EXOC6B: variants seen among roughly 807,000 people sequenced by gnomAD.
EXOC6B encodes SEC15 homolog B.
Under a neutral mutation model 113.5 loss-of-function variants are expected in EXOC6B, and 54 were observed. That is an observed-to-expected ratio of 0.48 (90% CI 0.38 to 0.60). EXOC6B has a LOEUF of 0.60. Ranked by LOEUF, EXOC6B falls within the 20% of genes least tolerant of loss-of-function variation. EXOC6B has a pLI of 0.00. For missense variants in EXOC6B, 797 were observed against 977.5 expected, an observed-to-expected ratio of 0.82 and a Z score of 2.46; for synonymous variants, 357 against 339.0, an observed-to-expected ratio of 1.05 and a Z score of -0.58.
At chr2:72,553,968 T>C (rs538920438) in intron 8 of EXOC6B, among the ~76,000 whole-genome samples, 13 of 152,236 alleles carry the variant, frequency 8.5e-5, no homozygotes, top group South Asian at 4.1e-4. Flanking sequence ...AGAAGAATGG[T>C]GAAATCATTG....
chr2:72,237,136 C>T (rs1218768594), intron 20 of EXOC6B, among the ~76,000 whole-genome samples: 3 of 152,166 alleles, frequency 2.0e-5, no homozygotes, highest in Non-Finnish European at 4.4e-5. Flanking sequence ...TTCATTGATT[C>T]ATTCACTCAA....
chr2:72,504,442 T>C (rs1164483210), intron 11 of EXOC6B, among the ~76,000 whole-genome samples: 2 of 152,230 alleles, frequency 1.3e-5, no homozygotes, highest in East Asian at 3.8e-4. Flanking sequence ...TCATTTAACA[T>C]TGTACTTGTG....
chr2:72,824,975 GAGTAAT>G (rs1318226125), intron 1 of EXOC6B, among the ~76,000 whole-genome samples: 1 of 152,180 alleles, frequency 6.6e-6, no homozygotes, highest in African/African-American at 2.4e-5. Flanking sequence ...TGTAAAAGGA[GAGTAAT>G]AGAACCTACC....
intron 15 of EXOC6B, among the ~76,000 whole-genome samples, chr2:72,493,299 T>G (rs1276973194): frequency 7.4e-6 from 1 of 135,046 alleles, no homozygotes; most frequent in East Asian, 2.5e-4. Context: ...AGTTTTAATT[T>G]TGTACCTTCT....
intron 6 of EXOC6B, among the ~76,000 whole-genome samples, chr2:72,603,426 G>A (rs932456191): frequency 7.9e-5 from 12 of 151,902 alleles, no homozygotes; most frequent in South Asian, 2.1e-4. Flanking sequence ...ATTATAAATA[G>A]TCAAGGATCC....
intron 5 of EXOC6B, among the ~76,000 whole-genome samples, chr2:72,726,095 A>G (rs959037730): frequency 1.3e-5 from 2 of 152,196 alleles, no homozygotes; most frequent in Non-Finnish European, 2.9e-5. Context: ...AATTTTGAAA[A>G]CCTTCCATTA....
chr2:72,224,994 G>GTGTGTATATATATATA (rs908047817), intron 20 of EXOC6B, among the ~76,000 whole-genome samples: 4 of 137,254 alleles, frequency 2.9e-5, no homozygotes, highest in Non-Finnish European at 4.8e-5. Flanking sequence ...GTGTGTGTGT[G>GTGTGTATATATATATA]TATATATATA....
At chr2:72,439,053 C>G (rs757681418) in intron 18 of EXOC6B, among the ~76,000 whole-genome samples, 1 of 152,158 alleles carries the variant, frequency 6.6e-6, no homozygotes, top group African/African-American at 2.4e-5. Context: ...AAGCTGTTAC[C>G]TTGGGTATCT....
At chr2:72,394,082 CA>C (rs1411110456) in intron 18 of EXOC6B, among the ~76,000 whole-genome samples, 2 of 152,100 alleles carry the variant, frequency 1.3e-5, no homozygotes, top group African/African-American at 4.8e-5. Context: ...TCTTATGTAG[CA>C]TTTTTAATAC....
At chr2:72,443,007 C>A (rs963580108) in intron 18 of EXOC6B, among the ~76,000 whole-genome samples, 1 of 152,052 alleles carries the variant, frequency 6.6e-6, no homozygotes, top group Non-Finnish European at 1.5e-5. Flanking sequence ...GCTACAATAA[C>A]CAAAACAGCA....
chr2:72,580,525 TCAC>T (rs1705157924), intron 6 of EXOC6B, among the ~76,000 whole-genome samples: 1 of 152,188 alleles, frequency 6.6e-6, no homozygotes, highest in Non-Finnish European at 1.5e-5. Context: ...ACATCTAATA[TCAC>T]TGTATAACAA....
At chr2:72,737,767 G>A (rs569037679) in intron 2 of EXOC6B, among the ~76,000 whole-genome samples, 17 of 151,928 alleles carry the variant, frequency 1.1e-4, no homozygotes, top group Admixed American at 5.9e-4. Context: ...AAGGATAATC[G>A]CTTGAACCTG....
At chr2:72,740,519 T>C (rs1033981722) in intron 2 of EXOC6B, among the ~76,000 whole-genome samples, 2 of 152,170 alleles carry the variant, frequency 1.3e-5, no homozygotes, top group Admixed American at 1.3e-4. Context: ...ACCAGACAAA[T>C]GTGCCTAGCC....
chr2:72,292,929 C>T (rs1266172135), intron 20 of EXOC6B, among the ~76,000 whole-genome samples: 3 of 152,198 alleles, frequency 2.0e-5, no homozygotes, highest in Admixed American at 1.3e-4. Flanking sequence ...TTTATCCTTT[C>T]ATGCACTGAA....
intron 20 of EXOC6B, among the ~76,000 whole-genome samples, chr2:72,185,132 A>G (rs1427448054): frequency 6.6e-6 from 1 of 152,272 alleles, no homozygotes; most frequent in African/African-American, 2.4e-5. Context: ...TAGAAGGGGC[A>G]CAGTCCCAGA....
intron 20 of EXOC6B, among the ~76,000 whole-genome samples, chr2:72,306,086 C>T (rs971039198): frequency 1.3e-5 from 2 of 152,038 alleles, no homozygotes; most frequent in Non-Finnish European, 2.9e-5. Flanking sequence ...AGAACACTTC[C>T]TACCCGGACA....
chr2:72,272,106 A>G (rs532107613), intron 20 of EXOC6B, among the ~76,000 whole-genome samples: 3 of 152,070 alleles, frequency 2.0e-5, no homozygotes, highest in South Asian at 2.1e-4. Context: ...GCAAGTTCCT[A>G]TTGCTTTATC....
chr2:72,508,943 C>G (rs1260179721), intron 11 of EXOC6B, among the ~76,000 whole-genome samples: 1 of 151,924 alleles, frequency 6.6e-6, no homozygotes, highest in Non-Finnish European at 1.5e-5. Context: ...TAAAAGGTAG[C>G]CTTCAAAATA....
At chr2:72,354,363 G>A (rs1689848207) in intron 19 of EXOC6B, 1 of 152,218 alleles carries the variant, frequency 6.6e-6, no homozygotes, top group South Asian at 2.1e-4. Context: ...TCTACTACCA[G>A]AAACAGTACT....
Sources: gnomAD v4.1 joint callset for allele counts (sites outside exome capture counted in the v4.1 genomes callset) on GRCh38, gnomAD v4.1.1 for gene constraint, MANE v1.5 for transcripts, NCBI Gene and HGNC (gene_info 2026-07-23, HGNC 2026-07-21) for gene names.